Variants in KIAA0825 observed in about 807,000 individuals in gnomAD.
KIAA0825 encodes KIAA0825, also known as uncharacterized protein KIAA0825.
A neutral mutation model predicts 147.6 loss-of-function variants in KIAA0825; 119 were observed. That is an observed-to-expected ratio of 0.81 (90% CI 0.69 to 0.94). KIAA0825 has a LOEUF of 0.94. Among genes scored for constraint, KIAA0825 ranks in the 40% least tolerant of loss-of-function variants. The probability of loss-of-function intolerance (pLI) is 0.00; values close to 1 mark genes in which losing one functional copy is unlikely to be tolerated. For missense variants in KIAA0825, 1,381 were observed against 1,472.7 expected, an observed-to-expected ratio of 0.94 and a Z score of 1.02; for synonymous variants, 470 against 518.1, an observed-to-expected ratio of 0.91 and a Z score of 1.26.
intron 20 of KIAA0825, among the ~76,000 whole-genome samples, chr5:94,160,153 G>A (rs1432033896): frequency 1.3e-5 from 2 of 152,032 alleles, no homozygotes; most frequent in Admixed American, 6.6e-5. Flanking sequence ...CTGTACATGT[G>A]AGCTTTTCTC....
chr5:94,299,970 G>A (rs1488558173), intron 20 of KIAA0825, among the ~76,000 whole-genome samples: 4 of 151,640 alleles, frequency 2.6e-5, no homozygotes, highest in Admixed American at 6.6e-5. Flanking sequence ...AGACAATTGT[G>A]GGCAAATTCG....
chr5:94,241,468 A>C (rs1775340337), intron 20 of KIAA0825, among the ~76,000 whole-genome samples: 1 of 152,162 alleles, frequency 6.6e-6, no homozygotes, highest in African/African-American at 2.4e-5. Flanking sequence ...TTTCCCAGAC[A>C]TTTCGTGTCC....
At chr5:94,208,900 G>T (rs1772446951) in intron 20 of KIAA0825, among the ~76,000 whole-genome samples, 1 of 152,306 alleles carries the variant, frequency 6.6e-6, no homozygotes. Context: ...AAGTTTTTCT[G>T]TACATTCAGA....
intron 20 of KIAA0825, among the ~76,000 whole-genome samples, chr5:94,200,018 A>G (rs1408807750): frequency 6.6e-6 from 1 of 152,162 alleles, no homozygotes. Context: ...TATTCTCTCC[A>G]GGTCTGGCAG....
intron 20 of KIAA0825, among the ~76,000 whole-genome samples, chr5:94,278,218 A>T (rs1562346537): frequency 6.6e-6 from 1 of 152,168 alleles, no homozygotes; most frequent in Non-Finnish European, 1.5e-5. Context: ...ACCATGGCAC[A>T]TGTATACCTA....
intron 7 of KIAA0825, among the ~76,000 whole-genome samples, chr5:94,473,742 T>C (rs1055592541): frequency 1.3e-5 from 2 of 152,212 alleles, no homozygotes; most frequent in African/African-American, 4.8e-5. Flanking sequence ...CATTTCATTT[T>C]AATTCATCAG....
At chr5:94,476,878 C>T (rs1562537226) in intron 7 of KIAA0825, among the ~76,000 whole-genome samples, 1 of 152,126 alleles carries the variant, frequency 6.6e-6, no homozygotes, top group East Asian at 1.9e-4. Context: ...TAACAAAGAT[C>T]TCTTGAGTTC....
chr5:94,394,422 G>A (rs1175697430), intron 17 of KIAA0825, among the ~76,000 whole-genome samples: 2 of 152,062 alleles, frequency 1.3e-5, no homozygotes, highest in African/African-American at 4.8e-5. Flanking sequence ...TTGTATGTGA[G>A]ATAAATACTC....
At chr5:94,256,519 A>G (rs1776262136) in intron 20 of KIAA0825, among the ~76,000 whole-genome samples, 1 of 152,204 alleles carries the variant, frequency 6.6e-6, no homozygotes, top group Admixed American at 6.6e-5. Flanking sequence ...CAGGTGAAAT[A>G]TAGCACTCTT....
At chr5:94,511,772 G>A (rs1435287848) in intron 5 of KIAA0825, among the ~76,000 whole-genome samples, 1 of 152,144 alleles carries the variant, frequency 6.6e-6, no homozygotes, top group Non-Finnish European at 1.5e-5. Flanking sequence ...TGGATCTCCT[G>A]GGGTCAGGAG....
intron 20 of KIAA0825, among the ~76,000 whole-genome samples, chr5:94,369,611 T>C (rs780269543): frequency 2.6e-5 from 4 of 152,108 alleles, no homozygotes; most frequent in African/African-American, 9.7e-5. Flanking sequence ...GTCTTAAGAA[T>C]TGCAGAAGGG....
intron 13 of KIAA0825, among the ~76,000 whole-genome samples, chr5:94,445,297 C>T (rs1401335019): frequency 6.6e-6 from 1 of 152,152 alleles, no homozygotes; most frequent in Non-Finnish European, 1.5e-5. Flanking sequence ...ACTTGCCACT[C>T]TCTGAAATAT....
intron 20 of KIAA0825, among the ~76,000 whole-genome samples, chr5:94,255,707 CTTTTTTTTT>C (rs57646287): frequency 2.1e-4 from 10 of 47,794 alleles, no homozygotes; most frequent in Admixed American, 1.8e-3. Context: ...AGAATTATGG[CTTTTTTTTT>C]TTTTTTTTTT....
At position 94,396,248 on chromosome 5, in the gene KIAA0825, A is replaced by G; in HGVS notation, c.3149T>C (p.Leu1050Ser). The stretch of plus-strand genomic sequence containing the variant: ...GATGCTTTTCAAACACATACAAATT[A>G]AACCCAATTTTTCTTTACTCCATCT... ...LDRWSKEKLG[L>S]ICMCLKSIMG... Residue 1050 changes from leucine to serine, a missense_variant, in exon 17 of 21, where the codon TTA becomes TCA. Coordinates refer to ENST00000682413, the MANE Select transcript of KIAA0825 (RefSeq NM_001145678.3). The G allele has an allele frequency of 6.4e-7, 1 of 1,551,668 alleles. No individual in the cohort carries two copies. The highest frequency in any genetic ancestry group is 8.7e-7 in the Non-Finnish European group (1 of 1,146,936).
At chr5:94,381,110 G>A (rs1432410253) in intron 20 of KIAA0825, among the ~76,000 whole-genome samples, 1 of 152,090 alleles carries the variant, frequency 6.6e-6, no homozygotes, top group Non-Finnish European at 1.5e-5. Flanking sequence ...CCAGACCTGT[G>A]GGCCTGTTGC....
Position 94,237,933 on chromosome 5 carries a change from A to G in KIAA0825, c.3711-83809T>C, listed in dbSNP as rs141358914. 5.4e-3 allele frequency among the ~76,000 whole-genome samples: 830 copies of G among 152,304 alleles called. 4 individuals carry two copies. Among genetic ancestry groups the G allele is most frequent in the Admixed American group, 8.3e-3 (127 of 15,292 alleles). ...TTCTGTATTCACTGGATTTCATTTA[A>G]TATCAATATCTAACAGAGCTCATTA... is the stretch of plus-strand genomic sequence containing the variant. On this transcript the variant is annotated intron_variant, in intron 20 of 20. Transcript: ENST00000682413.
intron 13 of KIAA0825, among the ~76,000 whole-genome samples, chr5:94,452,487 C>G (rs1237637040): frequency 6.6e-6 from 1 of 152,284 alleles, no homozygotes; most frequent in South Asian, 2.1e-4. Context: ...CATCAGATTA[C>G]TCTGGAAGCA....
At chr5:94,417,671 C>G (rs1156718005) in intron 14 of KIAA0825, among the ~76,000 whole-genome samples, 1 of 152,096 alleles carries the variant, frequency 6.6e-6, no homozygotes, top group African/African-American at 2.4e-5. Context: ...CATAATTCTT[C>G]TTTCTCTTAA....
At chr5:94,260,275 C>T (rs557453188) in intron 20 of KIAA0825, among the ~76,000 whole-genome samples, 9 of 152,220 alleles carry the variant, frequency 5.9e-5, no homozygotes, top group African/African-American at 2.2e-4. Flanking sequence ...GGAACTAAGC[C>T]TCAATTTTAC....
Sources: gnomAD v4.1 joint callset for allele counts (sites outside exome capture counted in the v4.1 genomes callset) on GRCh38, gnomAD v4.1.1 for gene constraint, MANE v1.5 for transcripts, NCBI Gene and HGNC (gene_info 2026-07-23, HGNC 2026-07-21) for gene names.